Variants in HTT observed in about 807,000 individuals in gnomAD.
HTT encodes the protein huntington disease protein.
Under a neutral mutation model 362.3 loss-of-function variants are expected in HTT, and 104 were observed. The ratio of observed to expected loss-of-function variants is 0.29; its 90% CI spans 0.24 to 0.34. The LOEUF is 0.34. Among genes scored for constraint, HTT ranks in the 10% least tolerant of loss-of-function variants. The pLI is 1.00. For missense variants in HTT, 3,301 were observed against 3,928.6 expected (o/e 0.84, Z 4.27); for synonymous variants, 1,577 against 1,548.7 (o/e 1.02, Z -0.43).
chr4:3,153,193 G>A (rs536581382), intron 26 of HTT, among the ~76,000 whole-genome samples: 1 of 152,046 alleles, frequency 6.6e-6, no homozygotes, highest in Admixed American at 6.5e-5. Context: ...AGGAAGCTCT[G>A]TGGGGCCTCT....
intron 4 of HTT, among the ~76,000 whole-genome samples, chr4:3,104,470 G>C (rs951808085): frequency 6.6e-6 from 1 of 151,890 alleles, no homozygotes; most frequent in African/African-American, 2.4e-5. Flanking sequence ...TTAGCCAAGT[G>C]TGGTGGCGGG....
At chr4:3,075,648 A>AGGGG (rs368641776) in intron 1 of HTT, among the ~76,000 whole-genome samples, 1 of 54,358 alleles carries the variant, frequency 1.8e-5, no homozygotes, top group Non-Finnish European at 4.0e-5. Context: ...GTGGCGGGGC[A>AGGGG]GGGGGGGGGC....
intron 37 of HTT, among the ~76,000 whole-genome samples, chr4:3,186,370 A>G (rs1159675795): frequency 6.6e-6 from 1 of 152,172 alleles, no homozygotes; most frequent in African/African-American, 2.4e-5. Flanking sequence ...TTATTTATGT[A>G]ATAAAAATCT....
At position 3,074,931 on chromosome 4, in the gene HTT, C is replaced by CAGCAGCAGCAGT. The variant is rs1712409805; in HGVS notation, c.110_111insGCAGCAGTAGCA (p.Gln38_Pro39insGlnTer). Reference sequence around the variant, plus strand: ...GCAGCAGCAGCAGCAGCAGCAGCAGCAGCAACAGCCGCCACCGCCGCCGCC... The same window carrying CAGCAGCAGCAGT: ...GCAGCAGCAGCAGCAGCAGCAGCAGCAGCAGCAGCAGTAGCAACAGCCGCCACCGCCGCCGCC... On this transcript the variant is annotated stop_gained and inframe_insertion, in exon 1 of 67. Transcript: ENST00000355072. LOFTEE classifies it high-confidence loss of function. The CAGCAGCAGCAGT allele has an allele frequency of 6.7e-7, 1 of 1,489,908 alleles. No homozygotes were observed. The highest frequency in any genetic ancestry group is 1.5e-5 in the African/African-American group (1 of 66,948). The allele number at this position is 1,489,908 out of a possible 1,614,324, so 92.3% of individuals were successfully genotyped here.
chr4:3,166,913 G>A lies in HTT; in HGVS notation c.3865-5407G>A, dbSNP rs147752568. On this transcript the variant is annotated intron_variant, in intron 29 of 66. Coordinates refer to ENST00000355072, the MANE Select transcript of HTT (RefSeq NM_001388492.1). Reference sequence around the variant, plus strand: ...TGCTTCCCAGGTGAGGCAACACCCCGCCCTGCTTCGGCTTGCCCTCCGTGG... The same window carrying A: ...TGCTTCCCAGGTGAGGCAACACCCCACCCTGCTTCGGCTTGCCCTCCGTGG... Among the ~76,000 whole-genome samples, 1,094 of 152,334 alleles carry A rather than the reference G, an allele frequency of 7.2e-3. 15 individuals carry two copies. The highest frequency in any genetic ancestry group is 0.021 in the African/African-American group (887 of 41,586).
At chr4:3,223,911 G>A (rs1720791281) in intron 55 of HTT, 81 bp from the exon 56 acceptor site, 3 of 1,479,656 alleles carry the variant, frequency 2.0e-6, no homozygotes, top group Non-Finnish European at 2.8e-6. Context: ...TTTAGGCAAA[G>A]CGGAGGGAAA....
chr4:3,198,064 C>T (rs1333101997), intron 40 of HTT, among the ~76,000 whole-genome samples: 1 of 152,154 alleles, frequency 6.6e-6, no homozygotes, highest in Non-Finnish European at 1.5e-5. Context: ...TAGAACTCCT[C>T]GTCGTGACCT....
At chr4:3,120,295 T>TA (rs1553912844) in intron 8 of HTT, among the ~76,000 whole-genome samples, 2 of 152,248 alleles carry the variant, frequency 1.3e-5, no homozygotes, top group Non-Finnish European at 2.9e-5. Context: ...GGGACATACT[T>TA]ACACTACAAA....
intron 9 of HTT, chr4:3,121,788 C>T (rs757012224): frequency 1.1e-5 from 2 of 178,824 alleles, no homozygotes; most frequent in Non-Finnish European, 2.4e-5. Context: ...ATTGCTTAAG[C>T]CCAAGAGGTT....
Position 3,086,983 on chromosome 4 carries a change from G to A in HTT, c.308G>A (p.Cys103Tyr). 1 of 1,608,672 alleles carries A rather than the reference G, an allele frequency of 6.2e-7. No homozygotes were observed. The highest frequency in any genetic ancestry group is 8.5e-7 in the Non-Finnish European group (1 of 1,175,272). The change falls in exon 2 of 67, where the codon TGT (cysteine) becomes TAT (tyrosine). Residue 103 changes from cysteine (C) to tyrosine (Y), a missense_variant. Physicochemically the swap from Cys to Tyr is radical, Grantham distance 194. Transcript: ENST00000355072. The part of the protein sequence containing the change: ...SATKKDRVNH[C>Y]LTICENIVAQ... ...ACCAAGAAAGACCGTGTGAATCATT[G>A]TCTGACAATATGTGAAAACATAGTG...
intron 8 of HTT, 100 bp from the exon 9 acceptor site, chr4:3,121,127 TA>T: frequency 1.3e-6 from 1 of 743,546 alleles, no homozygotes; most frequent in Non-Finnish European, 2.3e-6. Context: ...AGTTAAGGTA[TA>T]AACTTTGTCA....
At chr4:3,176,421 T>A (rs1001815411) in intron 33 of HTT, among the ~76,000 whole-genome samples, 1 of 152,144 alleles carries the variant, frequency 6.6e-6, no homozygotes, top group Non-Finnish European at 1.5e-5. Context: ...CCGAAGAAAA[T>A]CCGTCTAAAT....
rs1214519952 is a variant in HTT, at chr4:3,114,385, T to C, written c.748-919T>C. Among the ~76,000 whole-genome samples the C allele has an allele frequency of 2.0e-5, 3 of 152,368 alleles. No individual in the cohort carries two copies. In the East Asian group the frequency reaches 5.8e-4, roughly 29 times the overall value. ...TTTGGGGCCAGTTTATGGCCAGATTTTGGGGGGCCTGCTCCCAATACAGAG... is the reference window on the plus strand; with the variant it reads ...TTTGGGGCCAGTTTATGGCCAGATTCTGGGGGGCCTGCTCCCAATACAGAG... On this transcript the variant is annotated intron_variant, in intron 6 of 66. Coordinates refer to ENST00000355072, the MANE Select transcript of HTT (RefSeq NM_001388492.1).
chr4:3,232,425 G>T (rs1285089596), intron 60 of HTT, among the ~76,000 whole-genome samples: 3 of 152,170 alleles, frequency 2.0e-5, no homozygotes, highest in Admixed American at 2.0e-4. Flanking sequence ...ACTTCTGCAG[G>T]GGTCTCCTCA....
At chr4:3,103,221 A>ATTTTTTT (rs748779241) in intron 3 of HTT, among the ~76,000 whole-genome samples, 1 of 109,050 alleles carries the variant, frequency 9.2e-6, no homozygotes. Flanking sequence ...TATATATATA[A>ATTTTTTT]TTTTTTTTTT....
At chr4:3,221,026 AG>A (rs1720649249) in intron 53 of HTT, among the ~76,000 whole-genome samples, 1 of 152,170 alleles carries the variant, frequency 6.6e-6, no homozygotes, top group African/African-American at 2.4e-5. Context: ...TGATGGCAAG[AG>A]GTGTGATCTT....
At chr4:3,183,944 CA>C (rs1192559965) in intron 37 of HTT, among the ~76,000 whole-genome samples, 1 of 152,166 alleles carries the variant, frequency 6.6e-6, no homozygotes, top group East Asian at 1.9e-4. Context: ...CATCAGTGAT[CA>C]AAGCAGATTA....
chr4:3,148,779 CAG>C (rs1716736875), intron 26 of HTT, among the ~76,000 whole-genome samples: 1 of 152,034 alleles, frequency 6.6e-6, no homozygotes, highest in Non-Finnish European at 1.5e-5. Context: ...GCCTGGGTGA[CAG>C]AGCGAGACTC....
intron 1 of HTT, among the ~76,000 whole-genome samples, chr4:3,085,668 G>T (rs1423180908): frequency 6.6e-6 from 1 of 152,136 alleles, no homozygotes; most frequent in Non-Finnish European, 1.5e-5. Flanking sequence ...AAACTTCCAG[G>T]TTTGCTTATT....
Sources: gnomAD v4.1 joint callset for allele counts (sites outside exome capture counted in the v4.1 genomes callset) on GRCh38, gnomAD v4.1.1 for gene constraint, MANE v1.5 for transcripts, NCBI Gene and HGNC (gene_info 2026-07-23, HGNC 2026-07-21) for gene names.